The following ARHGAP24 variants were observed in gnomAD, a reference collection of about 807,000 sequenced individuals.
ARHGAP24 encodes the protein Rho GTPase activating protein 24.
ARHGAP24 carries 50 observed loss-of-function variants against 76.4 expected under a neutral mutation model. The observed-to-expected ratio is 0.65, with a 90% CI of 0.52 to 0.83. The LOEUF (loss-of-function observed/expected upper bound fraction) is 0.83. Among genes scored for constraint, ARHGAP24 ranks in the 40% least tolerant of loss-of-function variants. The pLI is 0.00. For synonymous variants in ARHGAP24, 345 were observed against 323.3 expected, an observed-to-expected ratio of 1.07 and a Z score of -0.72; for missense variants, 930 against 914.2, an observed-to-expected ratio of 1.02 and a Z score of -0.22.
intron 1 of ARHGAP24, among the ~76,000 whole-genome samples, chr4:85,502,829 C>T (rs1723876897): frequency 6.6e-6 from 1 of 152,222 alleles, no homozygotes. Context: ...AAATTTTTGC[C>T]CATTCAGAGT....
chr4:85,631,151 T>A (rs1461902815), intron 2 of ARHGAP24, among the ~76,000 whole-genome samples: 1 of 152,176 alleles, frequency 6.6e-6, no homozygotes, highest in Admixed American at 6.5e-5. Context: ...TTCCATACTC[T>A]GAGATAATTA....
chr4:85,709,587 T>A (rs1382128275), intron 2 of ARHGAP24, among the ~76,000 whole-genome samples: 2 of 152,110 alleles, frequency 1.3e-5, no homozygotes, highest in East Asian at 3.8e-4. Flanking sequence ...GAATATTTAC[T>A]ATCATCACTT....
At chr4:85,475,675 AGGGGGCTGCGGGGGGCGG>A (rs1184083862) in intron 1 of ARHGAP24, 116 bp downstream of exon 1, 3 of 9,124 alleles carry the variant, frequency 3.3e-4, no homozygotes, top group African/African-American at 7.3e-4. Context: ...GGGGGCGGGG[AGGGGGCTGCGGGGGGCGG>A]GGAGGGGGCT....
chr4:85,983,720 A>G lies in ARHGAP24; in HGVS notation c.928+6029A>G, dbSNP rs571998789. Among the ~76,000 whole-genome samples, 10 of 152,128 alleles carry G rather than the reference A, an allele frequency of 6.6e-5. No individual in the cohort carries two copies. In the East Asian group the frequency reaches 1.4e-3, roughly 21 times the overall value. ...TCCCCTGCTCTCAAAACTCTCCCAA[A>G]TCCATTCCATGCAGTGTCCCTCAAA... On this transcript the variant is annotated intron_variant, in intron 8 of 9. Transcript: ENST00000395184.
At chr4:85,971,094 C>T (rs530603810) in intron 5 of ARHGAP24, among the ~76,000 whole-genome samples, 6 of 152,244 alleles carry the variant, frequency 3.9e-5, no homozygotes, top group Admixed American at 3.9e-4. Flanking sequence ...TTTTCTAGAA[C>T]ATTCTAAGGA....
intron 3 of ARHGAP24, among the ~76,000 whole-genome samples, chr4:85,752,801 G>A (rs1242593825): frequency 6.6e-6 from 1 of 152,216 alleles, no homozygotes; most frequent in African/African-American, 2.4e-5. Context: ...GAAGACAGAT[G>A]TAACGTGCCT....
At chr4:85,973,268 C>G (rs1369894035) in intron 6 of ARHGAP24, among the ~76,000 whole-genome samples, 1 of 151,440 alleles carries the variant, frequency 6.6e-6, no homozygotes, top group African/African-American at 2.4e-5. Flanking sequence ...AATGGCATTT[C>G]CCTGATGGCT....
At chr4:85,745,187 C>T (rs1027794472) in intron 3 of ARHGAP24, among the ~76,000 whole-genome samples, 7 of 151,564 alleles carry the variant, frequency 4.6e-5, no homozygotes, top group African/African-American at 1.7e-4. Flanking sequence ...GCCTATAATC[C>T]CAGTACTTCA....
Position 85,768,423 on chromosome 4 carries a change from C to A in ARHGAP24, c.268+46451C>A, listed in dbSNP as rs117824133. Among the ~76,000 whole-genome samples, 212 of 152,190 alleles carry A rather than the reference C, an allele frequency of 1.4e-3. 4 individuals carry two copies. The East Asian group carries it at 0.022, about 16-fold the overall frequency. ...GGCAAATTAAAATCTGAAAAAAAGC[C>A]TTTTCAAATCTAACAAATAAAATCA... On this transcript the variant is annotated intron_variant, in intron 3 of 9. Coordinates refer to ENST00000395184, the MANE Select transcript of ARHGAP24 (RefSeq NM_001025616.3).
In ARHGAP24 at chr4:85,982,381, T is replaced by TTGTTTTGTTTTGTTTTGTTTTGTTC. The variant is rs1333396216; in HGVS notation, c.928+4706_928+4707insGTTTTGTTCTGTTTTGTTTTGTTTT. ...CACAAGTAGATAAGTTGTTTTTGTT[T>TTGTTTTGTTTTGTTTTGTTTTGTTC]TGTTTTGTTTTGTTTTTGAAGTACA... On this transcript the variant is annotated intron_variant, in intron 8 of 9. Coordinates refer to ENST00000395184, the MANE Select transcript of ARHGAP24 (RefSeq NM_001025616.3). 3.4e-3 allele frequency among the ~76,000 whole-genome samples: 524 copies of TTGTTTTGTTTTGTTTTGTTTTGTTC among 152,076 alleles called. 3 individuals carry two copies. Among genetic ancestry groups the TTGTTTTGTTTTGTTTTGTTTTGTTC allele is most frequent in the African/African-American group, 0.012 (481 of 41,442 alleles).
chr4:85,881,192 G>T (rs917904704), intron 3 of ARHGAP24, among the ~76,000 whole-genome samples: 1 of 152,110 alleles, frequency 6.6e-6, no homozygotes, highest in Admixed American at 6.5e-5. Flanking sequence ...CTGGACAAAA[G>T]GATGAGTCCA....
intron 6 of ARHGAP24, chr4:85,972,399 G>T (rs1739040183): frequency 1.8e-6 from 1 of 543,606 alleles, no homozygotes; most frequent in Non-Finnish European, 3.3e-6. Context: ...AGCACGACTT[G>T]CCGCTTTCTT....
intron 4 of ARHGAP24, among the ~76,000 whole-genome samples, chr4:85,940,168 T>C (rs536953101): frequency 6.6e-6 from 1 of 152,238 alleles, no homozygotes; most frequent in South Asian, 2.1e-4. Context: ...TGGATTAGAA[T>C]TTTGTTTTGC....
intron 3 of ARHGAP24, among the ~76,000 whole-genome samples, chr4:85,879,792 C>G (rs2148766920): frequency 6.6e-6 from 1 of 151,912 alleles, no homozygotes; most frequent in African/African-American, 2.4e-5. Context: ...ATTAGTGGTC[C>G]TCAGCCTTTT....
chr4:85,810,584 T>C (rs1308492320), intron 3 of ARHGAP24, among the ~76,000 whole-genome samples: 1 of 152,170 alleles, frequency 6.6e-6, no homozygotes, highest in Non-Finnish European at 1.5e-5. Flanking sequence ...CATTTAATTT[T>C]CCAATGGCAT....
intron 1 of ARHGAP24, among the ~76,000 whole-genome samples, chr4:85,543,307 G>A (rs1206972027): frequency 1.3e-5 from 2 of 152,178 alleles, no homozygotes; most frequent in East Asian, 1.9e-4. Flanking sequence ...TGATAGTACT[G>A]AGAGGTGAGC....
chr4:85,770,693 T>C (rs1316897924), intron 3 of ARHGAP24, among the ~76,000 whole-genome samples: 1 of 152,208 alleles, frequency 6.6e-6, no homozygotes, highest in Non-Finnish European at 1.5e-5. Context: ...AAAGTCTCTG[T>C]AAAGTGAAAT....
chr4:85,521,990 T>A (rs1724787792), intron 1 of ARHGAP24, among the ~76,000 whole-genome samples: 1 of 152,180 alleles, frequency 6.6e-6, no homozygotes, highest in Non-Finnish European at 1.5e-5. Context: ...GATGCCTGTT[T>A]TGTAGAAATT....
chr4:85,587,479 A>AT lies in ARHGAP24; in HGVS notation c.180+16759dup, dbSNP rs200085219. On this transcript the variant is annotated intron_variant, in intron 2 of 9. Transcript: ENST00000395184. The stretch of plus-strand genomic sequence containing the variant: ...TGAATGTTGATTTTAACATGTAATG[A>AT]TGTTTAAATTTTATTAGTATTTTAG... Among the ~76,000 whole-genome samples the AT allele has an allele frequency of 6.4e-4, 98 of 152,294 alleles. No homozygotes were observed. In the East Asian group the frequency reaches 0.012, roughly 18 times the overall value.
Sources: allele counts gnomAD v4.1 joint callset (sites outside exome capture counted in the v4.1 genomes callset), GRCh38; gene constraint gnomAD v4.1.1; transcripts MANE v1.5; gene names NCBI Gene and HGNC (gene_info 2026-07-23, HGNC 2026-07-21).